Variants in TANC2 observed in about 807,000 individuals in gnomAD.
TANC2 encodes tetratricopeptide repeat, ankyrin repeat and coiled-coil containing 2, also known as protein TANC2.
In TANC2, 26 loss-of-function variants were observed where a neutral mutation model predicts 210.5. The observed-to-expected ratio is 0.12, with a 90% CI of 0.09 to 0.17. The LOEUF (loss-of-function observed/expected upper bound fraction) is 0.17, where lower values mean the gene tolerates loss of function less well. TANC2 is among the 10% of genes least tolerant of loss of function. The pLI is 1.00. For synonymous variants in TANC2, 931 were observed against 967.1 expected, an observed-to-expected ratio of 0.96 and a Z score of 0.69; for missense variants, 2,129 against 2,608.9, an observed-to-expected ratio of 0.82 and a Z score of 4.01.
chr17:63,140,065 A>G (rs898853942), intron 4 of TANC2, among the ~76,000 whole-genome samples: 1 of 152,220 alleles, frequency 6.6e-6, no homozygotes, highest in Non-Finnish European at 1.5e-5. Context: ...TTACTTTTAA[A>G]GAAACTTTAT....
intron 8 of TANC2, among the ~76,000 whole-genome samples, chr17:63,255,907 T>TC (rs200798380): frequency 0.2 from 26,178 of 133,512 alleles, 1,953 homozygotes; most frequent in South Asian, 0.29. Context: ...ACTTTTCTTT[T>TC]TTTTTTTTTT....
intron 4 of TANC2, among the ~76,000 whole-genome samples, chr17:63,147,856 C>G (rs1188572132): frequency 6.6e-6 from 1 of 152,142 alleles, no homozygotes; most frequent in African/African-American, 2.4e-5. Context: ...CTGTTCACAT[C>G]CCCTTAGACA....
chr17:63,280,335 T>C (rs1313819898), intron 9 of TANC2, among the ~76,000 whole-genome samples: 1 of 152,100 alleles, frequency 6.6e-6, no homozygotes, highest in African/African-American at 2.4e-5. Flanking sequence ...AAACCCCAGA[T>C]ATGTTTTTTA....
chr17:63,009,846 T>G (rs1347221176), intron 2 of TANC2, among the ~76,000 whole-genome samples: 2 of 152,152 alleles, frequency 1.3e-5, no homozygotes, highest in East Asian at 3.9e-4. Context: ...AGAAAAATAT[T>G]TATTTCTAAT....
intron 2 of TANC2, among the ~76,000 whole-genome samples, chr17:63,058,227 T>C (rs1166652366): frequency 6.6e-6 from 1 of 152,196 alleles, no homozygotes; most frequent in Non-Finnish European, 1.5e-5. Context: ...CACATGGGTA[T>C]GTTTTCTTTT....
intron 7 of TANC2, among the ~76,000 whole-genome samples, chr17:63,212,710 G>T (rs1180636327): frequency 6.6e-6 from 1 of 152,110 alleles, no homozygotes; most frequent in East Asian, 1.9e-4. Context: ...GGGATTATAG[G>T]CATGAGCCAC....
intron 5 of TANC2, among the ~76,000 whole-genome samples, chr17:63,167,900 A>G (rs1350818072): frequency 6.6e-6 from 1 of 151,160 alleles, no homozygotes; most frequent in Non-Finnish European, 1.5e-5. Flanking sequence ...AAAAAAAAAA[A>G]AAAAAAAAAG....
chr17:63,387,169 G>A (rs2047810229), intron 15 of TANC2, among the ~76,000 whole-genome samples: 1 of 152,066 alleles, frequency 6.6e-6, no homozygotes, highest in Non-Finnish European at 1.5e-5. Context: ...ATTTTTAATA[G>A]GAAAGTTCAA....
chr17:63,266,087 A>G (rs1201625708), intron 8 of TANC2, among the ~76,000 whole-genome samples: 1 of 152,174 alleles, frequency 6.6e-6, no homozygotes. Flanking sequence ...ATCAAGAGAT[A>G]GTGACATGTT....
chr17:63,108,120 C>T lies in TANC2; in HGVS notation c.322+8763C>T, dbSNP rs78419362. Among the ~76,000 whole-genome samples the T allele has an allele frequency of 4.6e-5, 7 of 151,708 alleles. No homozygotes were observed. The South Asian group carries it at 1.5e-3, about 31-fold the overall frequency. On this transcript the variant is annotated intron_variant, in intron 4 of 27. Transcript: ENST00000689528. ...ACCTTGAGCAGTAGGATATAAATAA[C>T]TCCCACAAGCTTAGCGTTCCAATAG...
At chr17:63,256,777 G>A (rs1478315589) in intron 8 of TANC2, among the ~76,000 whole-genome samples, 1 of 152,078 alleles carries the variant, frequency 6.6e-6, no homozygotes, top group Non-Finnish European at 1.5e-5. Context: ...AGGTGCATAT[G>A]TATTTGGGTG....
chr17:63,329,205 TAAA>T (rs1178741603), intron 11 of TANC2, among the ~76,000 whole-genome samples: 3 of 152,000 alleles, frequency 2.0e-5, no homozygotes, highest in South Asian at 2.1e-4. Context: ...AATGAATCAA[TAAA>T]AATTTTAAGA....
At chr17:63,210,249 G>C (rs941735447) in intron 7 of TANC2, among the ~76,000 whole-genome samples, 1 of 152,136 alleles carries the variant, frequency 6.6e-6, no homozygotes, top group Non-Finnish European at 1.5e-5. Context: ...GACTCTCTCT[G>C]TTCCTTGACT....
chr17:63,222,861 A>C lies in TANC2; in HGVS notation c.770-14953A>C, dbSNP rs143652019. ...TGTTCCCAGCAGCAGTATTCACAGT[A>C]GCCAAAAGGTGGCAACAATCCAAAT... On this transcript the variant is annotated intron_variant, in intron 7 of 27. Transcript: ENST00000689528. Among the ~76,000 whole-genome samples, 656 of 152,322 alleles carry C rather than the reference A, an allele frequency of 4.3e-3. 8 individuals are homozygous for C. Among genetic ancestry groups the C allele is most frequent in the African/African-American group, 0.015 (613 of 41,572 alleles).
At chr17:63,098,386 T>C (rs2037467518) in intron 3 of TANC2, among the ~76,000 whole-genome samples, 1 of 149,680 alleles carries the variant, frequency 6.7e-6, no homozygotes, top group African/African-American at 2.4e-5. Flanking sequence ...ACAAAAGTGT[T>C]GGAGTTTTGC....
chr17:63,230,256 G>T lies in TANC2; in HGVS notation c.770-7558G>T, dbSNP rs564291328. Among the ~76,000 whole-genome samples, 15 of 151,734 alleles carry T rather than the reference G, an allele frequency of 9.9e-5. No homozygotes were observed. In the South Asian group the frequency reaches 2.5e-3, roughly 25 times the overall value. ...GCTCCTGGATTTGTTGATTTTTTTTGAAGGGTTTTTTGTGTCTCTGTCTCC... is the reference window on the plus strand; with the variant it reads ...GCTCCTGGATTTGTTGATTTTTTTTTAAGGGTTTTTTGTGTCTCTGTCTCC... On this transcript the variant is annotated intron_variant, in intron 7 of 27. Transcript: ENST00000689528.
rs145123766 is a variant in TANC2, at chr17:63,081,228, G to A, written c.139+7214G>A. 2.2e-4 allele frequency among the ~76,000 whole-genome samples: 34 copies of A among 152,152 alleles called. No homozygotes were observed. In the East Asian group the frequency reaches 4.8e-3, roughly 22 times the overall value. On this transcript the variant is annotated intron_variant, in intron 3 of 27. Coordinates refer to ENST00000689528, the Ensembl canonical transcript of TANC2. Reference sequence around the variant, plus strand: ...AAACTTGAGATGCCTTTTGGAATACGTAGCCCCAACTTGAGGCCAATAATT... The same window carrying A: ...AAACTTGAGATGCCTTTTGGAATACATAGCCCCAACTTGAGGCCAATAATT...
intron 5 of TANC2, among the ~76,000 whole-genome samples, chr17:63,170,881 A>G (rs2040380943): frequency 6.6e-6 from 1 of 152,180 alleles, no homozygotes; most frequent in African/African-American, 2.4e-5. Flanking sequence ...AGAATTTTGC[A>G]TCAAAATTTT....
intron 21 of TANC2, among the ~76,000 whole-genome samples, chr17:63,409,926 T>G (rs928471528): frequency 2.6e-4 from 40 of 152,376 alleles, no homozygotes; most frequent in African/African-American, 9.6e-4. Flanking sequence ...AGTATTTGCA[T>G]TATACTTACT....
Sources: allele counts gnomAD v4.1 joint callset (sites outside exome capture counted in the v4.1 genomes callset), GRCh38; gene constraint gnomAD v4.1.1; transcripts MANE v1.5; gene names NCBI Gene and HGNC (gene_info 2026-07-23, HGNC 2026-07-21).